CTRL: variants seen among roughly 807,000 people sequenced by gnomAD.
CTRL encodes chymotrypsin like.
CTRL carries 38 observed loss-of-function variants against 35.5 expected under a neutral mutation model. That is an observed-to-expected ratio of 1.07 (90% confidence interval 0.83 to 1.40). The LOEUF (loss-of-function observed/expected upper bound fraction) is 1.40. CTRL is among the 40% of genes most tolerant of loss of function. The probability of loss-of-function intolerance (pLI) is 0.00; values close to 1 mark genes in which losing one functional copy is unlikely to be tolerated. For synonymous variants in CTRL, 155 were observed against 141.1 expected, an observed-to-expected ratio of 1.10 and a Z score of -0.70; for missense variants, 327 against 342.9, an observed-to-expected ratio of 0.95 and a Z score of 0.37.
chr16:67,931,157 T>G lies in CTRL; in HGVS notation c.97A>C (p.Arg33=). 3.1e-6 allele frequency: 5 copies of G among 1,614,116 alleles called. No homozygotes were observed. Among genetic ancestry groups the G allele is most frequent in the Non-Finnish European group, 4.2e-6 (5 of 1,180,004 alleles). The change falls in exon 2 of 7, where the codon AGG becomes CGG. Residue 33 remains arginine (R), a synonymous_variant. Coordinates refer to ENST00000574481, the MANE Select transcript of CTRL (RefSeq NM_001907.3). The part of the protein sequence containing the change: ...AIKPALSFSQ[R]IVNGENAVLG... ...ACTGCATTCTCCCCGTTGACAATCC[T>G]CTGGCTGAAGCTCAGTGCCGGTTTG...
In CTRL at chr16:67,930,129, G is replaced by A. The variant is rs1203832190; in HGVS notation, c.634-34C>T. The A allele has an allele frequency of 6.2e-7, 1 of 1,613,812 alleles. No individual in the cohort carries two copies. Among genetic ancestry groups the A allele is most frequent in the East Asian group, 2.2e-5 (1 of 44,880 alleles). ...GAAGAGGGAGGGAGAATTGAGTAGG[G>A]GGGGTTGGGGAGGTATACCACAGGA... On this transcript the variant is annotated intron_variant, in intron 6 of 6. Transcript: ENST00000574481. This position sits in a 1 kb window ranked among gnomAD's most constrained non-coding sequence, Gnocchi z 4.3.
In CTRL at chr16:67,930,388, G is replaced by A. The variant is rs1174023413; in HGVS notation, c.499+20C>T. On this transcript the variant is annotated intron_variant, in intron 5 of 6. Coordinates refer to ENST00000574481, the MANE Select transcript of CTRL (RefSeq NM_001907.3). The surrounding 1 kb of genome is among the most constrained non-coding windows in gnomAD (Gnocchi z 4.3). Reference sequence around the variant, plus strand: ...CCCCACCCCAGTCCTCCCACCCTGAGCTTTGGCCTGAGTCCCTACCCACGC... The same window carrying A: ...CCCCACCCCAGTCCTCCCACCCTGAACTTTGGCCTGAGTCCCTACCCACGC... The A allele has an allele frequency of 1.2e-6, 2 of 1,612,602 alleles. No individual in the cohort carries two copies. Among genetic ancestry groups the A allele is most frequent in the Non-Finnish European group, 1.7e-6 (2 of 1,178,784 alleles).
In CTRL at chr16:67,930,242, GC is replaced by G. The variant is rs1345107031; in HGVS notation, c.575del (p.Gly192AlafsTer8). 3.1e-6 allele frequency: 5 copies of G among 1,614,060 alleles called. No homozygotes were observed. Among genetic ancestry groups the G allele is most frequent in the Non-Finnish European group, 8.5e-7 (1 of 1,180,026 alleles). On this transcript the variant is annotated frameshift_variant, in exon 6 of 7. Transcript: ENST00000574481. LOFTEE classifies it high-confidence loss of function. This position sits in a 1 kb window ranked among gnomAD's most constrained non-coding sequence, Gnocchi z 4.3. ...AGATCATGGAGTCAGTGATACTTGAGCCCCAGTACTGCCGGCACTGATTCAC... is the reference window on the plus strand; with the variant it reads ...AGATCATGGAGTCAGTGATACTTGAGCCCAGTACTGCCGGCACTGATTCAC... ...VTVNQCRQYW[G>X]SSITDSMICA...
intron 1 of CTRL, chr16:67,931,592 C>G (rs765986905): frequency 1.0e-4 from 62 of 622,840 alleles, no homozygotes; most frequent in Non-Finnish European, 1.5e-4. Context: ...CTGGCTCAAT[C>G]TCTGGTCCTA....
chr16:67,931,244 C>T, intron 1 of CTRL, 43 bp from the exon 2 acceptor site: 1 of 1,600,306 alleles, frequency 6.2e-7, no homozygotes, highest in South Asian at 1.1e-5. Flanking sequence ...ATGCCTCAGC[C>T]CATCTTTCCC....
rs4598904 is a variant in CTRL at position 67,930,701 on chromosome 16, C to T, written c.318+25G>A. The T allele has an allele frequency of 0.01, 16,525 of 1,612,800 alleles. 953 individuals carry two copies. The African/African-American group carries it at 0.16, about 15-fold the overall frequency. The stretch of plus-strand genomic sequence containing the variant: ...CCCACCTGCACTGCCCACTTTTCCT[C>T]CGTGTCTGCAGCCCAGGCACTCACC... On this transcript the variant is annotated intron_variant, in intron 4 of 6. Coordinates refer to ENST00000574481, the MANE Select transcript of CTRL (RefSeq NM_001907.3). This position sits in a 1 kb window ranked among gnomAD's most constrained non-coding sequence, Gnocchi z 4.3.
At position 67,930,177 on chromosome 16, in the gene CTRL, G is replaced by C. The variant is rs1211012625; in HGVS notation, c.633+8C>G. The C allele has an allele frequency of 5.0e-6, 8 of 1,613,864 alleles. No homozygotes were observed. Among genetic ancestry groups the C allele is most frequent in the Non-Finnish European group, 6.8e-6 (8 of 1,179,890 alleles). On this transcript the variant is annotated splice_region_variant and intron_variant, in intron 6 of 6. Coordinates refer to ENST00000574481, the MANE Select transcript of CTRL (RefSeq NM_001907.3). The surrounding 1 kb of genome is among the most constrained non-coding windows in gnomAD (Gnocchi z 4.3). The stretch of plus-strand genomic sequence containing the variant: ...GGACAGCGCAGAGGAGCGGGTGCTG[G>C]GGCTTACCTGGCACGAGGAGGCACC...
rs1277154354 is a variant in CTRL at position 67,930,385 on chromosome 16, T to C, written c.499+23A>G. 5.7e-6 allele frequency: 9 copies of C among 1,578,182 alleles called. No individual in the cohort carries two copies. Among genetic ancestry groups the C allele is most frequent in the Middle Eastern group, 1.7e-4 (1 of 5,924 alleles). Reference sequence around the variant, plus strand: ...GGTCCCCACCCCAGTCCTCCCACCCTGAGCTTTGGCCTGAGTCCCTACCCA... The same window carrying C: ...GGTCCCCACCCCAGTCCTCCCACCCCGAGCTTTGGCCTGAGTCCCTACCCA... On this transcript the variant is annotated intron_variant, in intron 5 of 6. Coordinates refer to ENST00000574481, the MANE Select transcript of CTRL (RefSeq NM_001907.3). The surrounding 1 kb of genome is among the most constrained non-coding windows in gnomAD (Gnocchi z 4.3).
Position 67,931,544 on chromosome 16 carries a change from C to G in CTRL, c.52+257G>C, listed in dbSNP as rs1328063264. ...TTTCTAAAAGACATGGACAGGTCTT[C>G]CTGTCTCAGCTTCCTAAACCCTCCC... On this transcript the variant is annotated intron_variant, in intron 1 of 6. Coordinates refer to ENST00000574481, the MANE Select transcript of CTRL (RefSeq NM_001907.3). 3 of 589,694 alleles carry G rather than the reference C, an allele frequency of 5.1e-6. 1 individual carries two copies. The South Asian group carries it at 6.0e-5, about 12-fold the overall frequency. The allele number at this position is 589,694 out of a possible 1,614,324, so 36.5% of individuals were successfully genotyped here.
chr16:67,931,391 T>TC, intron 1 of CTRL, 190 bp from the exon 2 acceptor site: 1 of 626,244 alleles, frequency 1.6e-6, no homozygotes, highest in Non-Finnish European at 2.9e-6. Flanking sequence ...ATCCACCCAG[T>TC]CCCCCAGCCC....
chr16:67,931,640 C>T (rs1277697251), intron 1 of CTRL, 161 bp downstream of exon 1: 10 of 821,994 alleles, frequency 1.2e-5, no homozygotes, highest in Non-Finnish European at 1.9e-5. Context: ...CCTCCCAGCC[C>T]TGCAGGCCTG....
chr16:67,930,127 G>A lies in CTRL; in HGVS notation c.634-32C>T, dbSNP rs1269111923. 10 of 1,612,754 alleles carry A rather than the reference G, an allele frequency of 6.2e-6. No homozygotes were observed. The highest frequency in any genetic ancestry group is 8.5e-6 in the Non-Finnish European group (10 of 1,178,948). On this transcript the variant is annotated intron_variant, in intron 6 of 6. Coordinates refer to ENST00000574481, the MANE Select transcript of CTRL (RefSeq NM_001907.3). The surrounding 1 kb of genome is among the most constrained non-coding windows in gnomAD (Gnocchi z 4.3). Reference sequence around the variant, plus strand: ...GGGAAGAGGGAGGGAGAATTGAGTAGGGGGGGTTGGGGAGGTATACCACAG... The same window carrying A: ...GGGAAGAGGGAGGGAGAATTGAGTAAGGGGGGTTGGGGAGGTATACCACAG...
intron 1 of CTRL, 143 bp from the exon 2 acceptor site, chr16:67,931,344 A>G (rs2058240993): frequency 1.3e-6 from 1 of 743,636 alleles, no homozygotes; most frequent in Non-Finnish European, 2.3e-6. Context: ...GGTACATGCA[A>G]GCACCTTCGG....
rs75847401 is a variant in CTRL at position 67,930,946 on chromosome 16, C to A, written c.210G>T (p.Val70=). 2,230 of 1,613,808 alleles carry A rather than the reference C, an allele frequency of 1.4e-3. 33 individuals carry two copies. In the African/African-American group the frequency reaches 0.025, roughly 18 times the overall value. Reference sequence around the variant, plus strand: ...TGACATTGCAGTGGGCAGCAGTGACCACCCAGGACTGGCTGATGAGAGAAC... The same window carrying A: ...TGACATTGCAGTGGGCAGCAGTGACAACCCAGGACTGGCTGATGAGAGAAC... The part of the protein sequence containing the change: ...CGGSLISQSW[V]VTAAHCNVSP... Residue 70 remains valine, a synonymous_variant, in exon 3 of 7, where the codon GTG becomes GTT. Transcript: ENST00000574481. The surrounding 1 kb of genome is among the most constrained non-coding windows in gnomAD (Gnocchi z 4.3).
chr16:67,931,167 G>GC lies in CTRL; in HGVS notation c.86dup (p.Ser29ArgfsTer63). ...CCCCGTTGACAATCCTCTGGCTGAA[G>GC]CTCAGTGCCGGTTTGATGGCAGGAA... On this transcript the variant is annotated frameshift_variant, in exon 2 of 7. Coordinates refer to ENST00000574481, the MANE Select transcript of CTRL (RefSeq NM_001907.3). LOFTEE classifies it high-confidence loss of function. 10 of 1,614,142 alleles carry GC rather than the reference G, an allele frequency of 6.2e-6. No individual in the cohort carries two copies. Among genetic ancestry groups the GC allele is most frequent in the Non-Finnish European group, 8.5e-6 (10 of 1,180,012 alleles).
chr16:67,929,767 C>T lies in CTRL; in HGVS notation c.*167G>A. 1.3e-6 allele frequency: 1 copy of T among 760,500 alleles called. No individual in the cohort carries two copies. The highest frequency in any genetic ancestry group is 2.1e-6 in the Non-Finnish European group (1 of 479,474). The allele number at this position is 760,500 out of a possible 1,614,324, so 47.1% of individuals were successfully genotyped here. On this transcript the variant is annotated 3_prime_UTR_variant, in exon 7 of 7. Coordinates refer to ENST00000574481, the MANE Select transcript of CTRL (RefSeq NM_001907.3). ...GGCATGGCTACTCTAGGAAGAGCCA[C>T]TGCTACTCAAGGAGTCACTCAGCCC...
At position 67,930,481 on chromosome 16, in the gene CTRL, C is replaced by A; in HGVS notation, c.426G>T (p.Leu142=). ...CAGTCAGAGCCTCGTTTGAGGATGCCAGGCAAACTGGCGAGATGCGTGTTG... is the reference window on the plus strand; with the variant it reads ...CAGTCAGAGCCTCGTTTGAGGATGCAAGGCAAACTGGCGAGATGCGTGTTG... ...QYTTRISPVC[L]ASSNEALTEG... The change falls in exon 5 of 7, where the codon CTG becomes CTT. Residue 142 remains leucine (L), a synonymous_variant. Transcript: ENST00000574481. This position sits in a 1 kb window ranked among gnomAD's most constrained non-coding sequence, Gnocchi z 4.3. 1 of 1,614,152 alleles carries A rather than the reference C, an allele frequency of 6.2e-7. No individual in the cohort carries two copies. Among genetic ancestry groups the A allele is most frequent in the Non-Finnish European group, 8.5e-7 (1 of 1,180,046 alleles).
In CTRL at chr16:67,930,930, A is replaced by T; in HGVS notation, c.226T>A (p.Cys76Ser). Residue 76 changes from cysteine (C) to serine (S), a missense_variant, in exon 3 of 7, where the codon TGC (cysteine) becomes AGC (serine). Transcript: ENST00000574481. This position sits in a 1 kb window ranked among gnomAD's most constrained non-coding sequence, Gnocchi z 4.3. ...AATGCAGGCACTCACCTGACATTGC[A>T]GTGGGCAGCAGTGACCACCCAGGAC... is the stretch of plus-strand genomic sequence containing the variant. Reference protein sequence around the residue: ...SQSWVVTAAHCNVSPGRHFVV... With the variant: ...SQSWVVTAAHSNVSPGRHFVV... The T allele has an allele frequency of 6.2e-7, 1 of 1,613,632 alleles. No homozygotes were observed. The highest frequency in any genetic ancestry group is 1.3e-5 in the African/African-American group (1 of 75,026).
rs200613204 is a variant in CTRL, at chr16:67,930,894, G to A, written c.236+26C>T. 2.1e-4 allele frequency: 344 copies of A among 1,612,402 alleles called. 3 individuals carry two copies. The African/African-American group carries it at 3.4e-3, about 16-fold the overall frequency. On this transcript the variant is annotated intron_variant, in intron 3 of 6. Coordinates refer to ENST00000574481, the MANE Select transcript of CTRL (RefSeq NM_001907.3). This position sits in a 1 kb window ranked among gnomAD's most constrained non-coding sequence, Gnocchi z 4.3. ...GAGGAGGCAGGAAGAGGCGAGGGGCGGGGCAGGTGGAATGCAGGCACTCAC... is the reference window on the plus strand; with the variant it reads ...GAGGAGGCAGGAAGAGGCGAGGGGCAGGGCAGGTGGAATGCAGGCACTCAC...
Sources: gnomAD v4.1 joint callset for allele counts on GRCh38, gnomAD v4.1.1 for gene constraint, Gnocchi (gnomAD v3.1) non-coding constraint, MANE v1.5 for transcripts, NCBI Gene and HGNC (gene_info 2026-07-23, HGNC 2026-07-21) for gene names.